MKLN1: variants seen among roughly 807,000 people sequenced by gnomAD.
MKLN1 encodes muskelin 1.
MKLN1 carries 18 observed loss-of-function variants against 99.0 expected under a neutral mutation model. The observed-to-expected ratio is 0.18, with a 90% CI of 0.13 to 0.27. The LOEUF is 0.27. Among genes scored for constraint, MKLN1 ranks in the 10% least tolerant of loss-of-function variants. The pLI is 1.00. For missense variants in MKLN1, 621 were observed against 875.9 expected, an observed-to-expected ratio of 0.71 and a Z score of 3.67; for synonymous variants, 288 against 293.2, an observed-to-expected ratio of 0.98 and a Z score of 0.18.
intron 7 of MKLN1, among the ~76,000 whole-genome samples, chr7:131,413,392 A>T (rs1794931805): frequency 6.6e-6 from 1 of 152,204 alleles, no homozygotes; most frequent in African/African-American, 2.4e-5. Context: ...TCAATTTTAC[A>T]TTAGGAGAAA....
chr7:131,291,407 G>T (rs982020514), intron 3 of MKLN1, among the ~76,000 whole-genome samples: 1 of 151,598 alleles, frequency 6.6e-6, no homozygotes, highest in Non-Finnish European at 1.5e-5. Context: ...CTGGGATTAT[G>T]GGCATAGGCC....
intron 3 of MKLN1, chr7:131,309,603 G>C (rs1359757681): frequency 6.6e-6 from 1 of 151,986 alleles, no homozygotes; most frequent in Non-Finnish European, 1.5e-5. Flanking sequence ...AGTAGAGACA[G>C]GGTTTCGCCA....
Position 131,133,815 on chromosome 7 carries a change from ATTTGGTT to A in MKLN1, c.-418-9001_-418-8995del, listed in dbSNP as rs1795602121. ...GTTGACTTCTTTTTTTTTTTTTTTA[ATTTGGTT>A]TTTTTTTTTTTTTTTTTTTTTTTTG... is the stretch of plus-strand genomic sequence containing the variant. On this transcript the variant is annotated intron_variant, in intron 1 of 7. Coordinates refer to the MKLN1 transcript ENST00000416992. 9.7e-5 allele frequency among the ~76,000 whole-genome samples: 5 copies of A among 51,658 alleles called. 1 individual carries two copies. The South Asian group carries it at 5.4e-3, about 55-fold the overall frequency. The allele number at this position is 51,658 out of a possible 152,430, so 33.9% of individuals were successfully genotyped here. A position where few individuals can be genotyped will look rare whatever the true frequency, so the allele number is the denominator to read the frequency against.
intron 4 of MKLN1, among the ~76,000 whole-genome samples, chr7:131,396,761 T>A (rs868015615): frequency 3.1e-4 from 47 of 152,346 alleles, no homozygotes; most frequent in African/African-American, 1.0e-3. Flanking sequence ...GAATGAGATC[T>A]GTTTGGTTAC....
intron 3 of MKLN1, among the ~76,000 whole-genome samples, chr7:131,250,089 A>G (rs975855449): frequency 1.3e-5 from 2 of 152,310 alleles, no homozygotes; most frequent in South Asian, 4.1e-4. Context: ...CCCAGCCTAT[A>G]GCAGAGACCA....
intron 2 of MKLN1, among the ~76,000 whole-genome samples, chr7:131,164,528 T>C (rs1479567475): frequency 6.6e-6 from 1 of 152,258 alleles, no homozygotes; most frequent in African/African-American, 2.4e-5. Context: ...CCTAAGAAGC[T>C]AAAACGTTTC....
At position 131,149,917 on chromosome 7, in the gene MKLN1, A is replaced by C. The variant is rs78925702; in HGVS notation, c.-297+6976A>C. On this transcript the variant is annotated intron_variant, in intron 2 of 7. Transcript: ENST00000416992. The stretch of plus-strand genomic sequence containing the variant: ...TATTCCCAGGCTTGAAGATGTTGGA[A>C]GCTTCCTAAGTTTGTTAAAAGATCA... Among the ~76,000 whole-genome samples, 16 of 152,252 alleles carry C rather than the reference A, an allele frequency of 1.1e-4. No individual in the cohort carries two copies. In the East Asian group the frequency reaches 3.1e-3, roughly 29 times the overall value.
At chr7:131,167,761 C>A (rs1235645375) in intron 2 of MKLN1, among the ~76,000 whole-genome samples, 1 of 151,718 alleles carries the variant, frequency 6.6e-6, no homozygotes, top group East Asian at 1.9e-4. Flanking sequence ...TGGAAAGATT[C>A]TAAACATCTA....
At chr7:131,319,918 A>C (rs1208655691) in intron 3 of MKLN1, among the ~76,000 whole-genome samples, 1 of 152,200 alleles carries the variant, frequency 6.6e-6, no homozygotes, top group Non-Finnish European at 1.5e-5. Context: ...CCACTGCTCA[A>C]GGAAATGAGA....
rs945521895 is a variant in MKLN1 at position 131,494,410 on chromosome 7, A to T, written c.*6682A>T. ...AGAGCCATGCCATCAGGTGTTTGCA[A>T]GTGACAGCTGTAGTGTGTTGCCTCA... On this transcript the variant is annotated 3_prime_UTR_variant, in exon 18 of 18. Transcript: ENST00000352689. 1 of 152,204 alleles carries T rather than the reference A, an allele frequency of 6.6e-6. No individual in the cohort carries two copies. The highest frequency in any genetic ancestry group is 2.4e-5 in the African/African-American group (1 of 41,440). 9.4% of individuals were successfully genotyped at this position (152,204 alleles called of 1,614,324 possible).
chr7:131,110,511 T>G (rs563018061), intron 1 of MKLN1, among the ~76,000 whole-genome samples: 86 of 152,174 alleles, frequency 5.7e-4, no homozygotes, highest in African/African-American at 2.0e-3. Context: ...CGCTTTAAGG[T>G]GCAGCTGAGT....
chr7:131,122,701 C>T (rs1325182962), intron 1 of MKLN1, among the ~76,000 whole-genome samples: 1 of 152,146 alleles, frequency 6.6e-6, no homozygotes, highest in Non-Finnish European at 1.5e-5. Context: ...CCACCAGCTT[C>T]TTAGTCTGTT....
At chr7:131,407,757 A>G (rs970749164) in intron 6 of MKLN1, among the ~76,000 whole-genome samples, 1 of 137,470 alleles carries the variant, frequency 7.3e-6, no homozygotes, top group African/African-American at 2.7e-5. Context: ...TCTCTTTCCT[A>G]TTACTTTCCT....
Position 131,493,064 on chromosome 7 carries a change from C to G in MKLN1, c.*5336C>G, listed in dbSNP as rs754968421. ...AAGATTTGCAATGTGCTGTCTATCC[C>G]CAAACACTGCTGAGCTTGCTGGAAA... On this transcript the variant is annotated 3_prime_UTR_variant, in exon 18 of 18. Transcript: ENST00000352689. 10 of 152,140 alleles carry G rather than the reference C, an allele frequency of 6.6e-5. No homozygotes were observed. Among genetic ancestry groups the G allele is most frequent in the Non-Finnish European group, 1.2e-4 (8 of 68,034 alleles). The allele number at this position is 152,140 out of a possible 1,614,324, so 9.4% of individuals were successfully genotyped here.
At chr7:131,466,154 C>T in intron 14 of MKLN1, 122 bp from the exon 15 acceptor site, 1 of 616,638 alleles carries the variant, frequency 1.6e-6, no homozygotes, top group Non-Finnish European at 2.5e-6. Flanking sequence ...GGTAAAAATG[C>T]AGTATAATTT....
intron 3 of MKLN1, among the ~76,000 whole-genome samples, chr7:131,317,855 C>T (rs1347533500): frequency 6.7e-6 from 1 of 150,318 alleles, no homozygotes. Context: ...AAGACAAGGG[C>T]ATTACAGAAT....
intron 7 of MKLN1, among the ~76,000 whole-genome samples, chr7:131,412,723 A>G (rs1488977259): frequency 1.3e-5 from 2 of 152,306 alleles, no homozygotes; most frequent in East Asian, 3.9e-4. Context: ...TAATTAACAT[A>G]GTGGAAAGTG....
intron 8 of MKLN1, among the ~76,000 whole-genome samples, chr7:131,422,400 A>T (rs1209787012): frequency 1.3e-5 from 2 of 152,108 alleles, no homozygotes; most frequent in Non-Finnish European, 2.9e-5. Context: ...TATTTTTTTT[A>T]GTTAGCCAGG....
chr7:131,135,280 G>C (rs1428451783), intron 1 of MKLN1, among the ~76,000 whole-genome samples: 1 of 152,032 alleles, frequency 6.6e-6, no homozygotes, highest in South Asian at 2.1e-4. Flanking sequence ...CCACCACCAC[G>C]CCCGGCTAAT....
Sources: gnomAD v4.1 joint callset for allele counts (sites outside exome capture counted in the v4.1 genomes callset) on GRCh38, gnomAD v4.1.1 for gene constraint, MANE v1.5 for transcripts, NCBI Gene and HGNC (gene_info 2026-07-23, HGNC 2026-07-21) for gene names.